Variants in PEBP4 observed in about 807,000 individuals in gnomAD.
PEBP4 encodes the protein phosphatidylethanolamine binding protein 4, also known as phosphatidylethanolamine-binding protein 4.
Under a neutral mutation model 23.9 loss-of-function variants are expected in PEBP4, and 22 were observed. The ratio of observed to expected loss-of-function variants is 0.92; its 90% confidence interval spans 0.66 to 1.31. PEBP4 has a LOEUF of 1.31. Among genes scored for constraint, PEBP4 ranks in the 40% most tolerant of loss-of-function variants. The pLI is 0.00. For missense variants in PEBP4, 324 were observed against 281.7 expected (o/e 1.15, Z -1.07); for synonymous variants, 112 against 99.3 (o/e 1.13, Z -0.76).
intron 4 of PEBP4, among the ~76,000 whole-genome samples, chr8:22,805,450 C>T (rs1157563313): frequency 6.6e-6 from 1 of 152,244 alleles, no homozygotes; most frequent in Admixed American, 6.5e-5. Flanking sequence ...CCTCAGCCTC[C>T]CAAGTAGCTG....
chr8:22,759,867 G>A (rs147425285), intron 4 of PEBP4, among the ~76,000 whole-genome samples: 79 of 152,252 alleles, frequency 5.2e-4, no homozygotes, highest in Admixed American at 1.1e-3. Context: ...TCAAGGCAGC[G>A]TCTCAGTGGT....
intron 3 of PEBP4, among the ~76,000 whole-genome samples, chr8:22,821,608 G>T (rs1806857834): frequency 6.6e-6 from 1 of 152,138 alleles, no homozygotes; most frequent in African/African-American, 2.4e-5. Context: ...TTCATGGATT[G>T]CCTGGGGAGA....
chr8:22,876,654 GT>G (rs1198303710), intron 3 of PEBP4, among the ~76,000 whole-genome samples: 3 of 152,230 alleles, frequency 2.0e-5, no homozygotes, highest in Non-Finnish European at 2.9e-5. Flanking sequence ...GACAGTGTAT[GT>G]TTATAGCGCT....
rs1563196364 is a variant in PEBP4 at position 22,728,565 on chromosome 8, TTCCTTCCTTC to T, written c.358-1355_358-1346del. 3.9e-3 allele frequency among the ~76,000 whole-genome samples: 307 copies of T among 79,382 alleles called. 6 individuals are homozygous for T. The highest frequency in any genetic ancestry group is 7.1e-3 in the Non-Finnish European group (224 of 31,470). 52.1% of individuals were successfully genotyped at this position (79,382 alleles called of 152,430 possible). A position where few individuals can be genotyped will look rare whatever the true frequency, so the allele number is the denominator to read the frequency against. On this transcript the variant is annotated intron_variant, in intron 4 of 6. Coordinates refer to ENST00000256404, the MANE Select transcript of PEBP4 (RefSeq NM_144962.3). ...CTTCCTTTCTTTCTTTCTTTCTTCCTTCCTTCCTTCCTTCCTTCCTTCCTTCCTTCCTTCC... is the reference window on the plus strand; with the variant it reads ...CTTCCTTTCTTTCTTTCTTTCTTCCTCTTCCTTCCTTCCTTCCTTCCTTCC...
chr8:22,855,965 G>A (rs902848760), intron 3 of PEBP4, among the ~76,000 whole-genome samples: 5 of 148,018 alleles, frequency 3.4e-5, no homozygotes, highest in African/African-American at 1.2e-4. Context: ...GGATGGTTGA[G>A]CCTAGGAGGC....
At chr8:22,743,301 G>T (rs1287101673) in intron 4 of PEBP4, among the ~76,000 whole-genome samples, 3 of 151,734 alleles carry the variant, frequency 2.0e-5, no homozygotes, top group Admixed American at 1.3e-4. Context: ...AGCTCCCTTT[G>T]GGGGAGAAAC....
At chr8:22,803,064 C>A (rs1036728079) in intron 4 of PEBP4, among the ~76,000 whole-genome samples, 4 of 152,142 alleles carry the variant, frequency 2.6e-5, no homozygotes, top group Non-Finnish European at 1.5e-5. Flanking sequence ...CTCATGGCCT[C>A]CAAGGCCCTG....
intron 3 of PEBP4, among the ~76,000 whole-genome samples, chr8:22,893,180 C>A (rs1055848002): frequency 1.3e-5 from 2 of 152,274 alleles, no homozygotes; most frequent in South Asian, 2.1e-4. Context: ...AAAAATGCCA[C>A]AGAATTCCTG....
At chr8:22,771,787 C>G (rs773289778) in intron 4 of PEBP4, among the ~76,000 whole-genome samples, 4 of 152,224 alleles carry the variant, frequency 2.6e-5, no homozygotes, top group Non-Finnish European at 5.9e-5. Context: ...CTTTCCATGG[C>G]AATGGCCTGG....
rs73671274 is a variant in PEBP4, at chr8:22,740,158, G to C, written c.358-12938C>G. 2.2e-3 allele frequency among the ~76,000 whole-genome samples: 336 copies of C among 152,300 alleles called. 1 individual carries two copies. The highest frequency in any genetic ancestry group is 7.6e-3 in the African/African-American group (315 of 41,560). ...TTGTGAACAGAAAGGAAGAAAGGAA[G>C]GAAGGATGGATGGAAGGAAAAAGAG... On this transcript the variant is annotated intron_variant, in intron 4 of 6. Transcript: ENST00000256404.
intron 3 of PEBP4, among the ~76,000 whole-genome samples, chr8:22,855,030 ACACACACACACACATG>A (rs1563238508): frequency 1.5e-5 from 1 of 67,996 alleles, no homozygotes; most frequent in African/African-American, 4.9e-5. Flanking sequence ...ACACACACAC[ACACACACACACACATG>A]CACCCCAGGA....
chr8:22,924,717 G>T (rs1309123365), intron 2 of PEBP4: 1 of 985,230 alleles, frequency 1.0e-6, no homozygotes, highest in Non-Finnish European at 1.2e-6. Flanking sequence ...GCAGCAGGTG[G>T]GGTTTTTTGA....
intron 4 of PEBP4, among the ~76,000 whole-genome samples, chr8:22,776,885 G>A (rs1805825379): frequency 6.6e-6 from 1 of 151,320 alleles, no homozygotes; most frequent in Admixed American, 6.6e-5. Flanking sequence ...GTTGGCACAT[G>A]GCCTCATAAC....
intron 3 of PEBP4, among the ~76,000 whole-genome samples, chr8:22,915,396 C>G (rs28436634): frequency 2.0e-5 from 3 of 151,792 alleles, no homozygotes; most frequent in East Asian, 1.9e-4. Flanking sequence ...CCCCGACCCC[C>G]GACCCAACCA....
chr8:22,717,005 G>A (rs919367791), intron 6 of PEBP4, among the ~76,000 whole-genome samples: 5 of 152,212 alleles, frequency 3.3e-5, no homozygotes, highest in Non-Finnish European at 7.3e-5. Context: ...GAACTTTGTA[G>A]TCTGGGTCCC....
intron 3 of PEBP4, among the ~76,000 whole-genome samples, chr8:22,870,635 A>ACCC (rs770047008): frequency 2.8e-4 from 42 of 152,052 alleles, no homozygotes; most frequent in Admixed American, 4.6e-4. Context: ...TAACAAATGC[A>ACCC]CCCCTCTGGT....
intron 4 of PEBP4, chr8:22,747,582 G>A (rs1160988255): frequency 6.7e-6 from 1 of 150,052 alleles, no homozygotes; most frequent in Non-Finnish European, 1.5e-5. Context: ...TGAGTGGGGT[G>A]TGCATGGGTG....
At chr8:22,890,957 T>C (rs926720562) in intron 3 of PEBP4, among the ~76,000 whole-genome samples, 8 of 152,116 alleles carry the variant, frequency 5.3e-5, no homozygotes, top group Admixed American at 5.2e-4. Flanking sequence ...GCCTTGCGAG[T>C]AGCTGAGATT....
intron 3 of PEBP4, among the ~76,000 whole-genome samples, chr8:22,833,422 C>G (rs1283513554): frequency 1.3e-5 from 2 of 152,178 alleles, no homozygotes; most frequent in African/African-American, 4.8e-5. Context: ...ACCTCCGCCT[C>G]AAGGGTTCAA....
Sources: allele counts gnomAD v4.1 joint callset (sites outside exome capture counted in the v4.1 genomes callset), GRCh38; gene constraint gnomAD v4.1.1; transcripts MANE v1.5; gene names NCBI Gene and HGNC (gene_info 2026-07-23, HGNC 2026-07-21).